The following HECW1 variants were observed in gnomAD, a reference collection of about 807,000 sequenced individuals.
HECW1 encodes E3 ubiquitin-protein ligase HECW1.
A neutral mutation model predicts 182.3 loss-of-function variants in HECW1; 61 were observed. The ratio of observed to expected loss-of-function variants is 0.33; its 90% CI spans 0.27 to 0.41. The LOEUF is 0.41. Among genes scored for constraint, HECW1 ranks in the 10% least tolerant of loss-of-function variants. HECW1 has a pLI of 1.00. For synonymous variants in HECW1, 859 were observed against 832.6 expected (o/e 1.03, Z -0.55); for missense variants, 1,739 against 2,108.9 (o/e 0.82, Z 3.44).
At chr7:43,236,750 T>C (rs995957630) in intron 2 of HECW1, among the ~76,000 whole-genome samples, 1 of 152,220 alleles carries the variant, frequency 6.6e-6, no homozygotes, top group Non-Finnish European at 1.5e-5. Context: ...TCAGTTTACA[T>C]TGCCAGGGTG....
At chr7:43,431,880 CT>C (rs200886623) in intron 8 of HECW1, among the ~76,000 whole-genome samples, 14,872 of 76,046 alleles carry the variant, frequency 0.2, 1,117 homozygotes, top group East Asian at 0.52. Flanking sequence ...CCGACACTTG[CT>C]TTTTTTTTTT....
chr7:43,369,606 C>G (rs1817076520), intron 6 of HECW1, among the ~76,000 whole-genome samples: 1 of 152,190 alleles, frequency 6.6e-6, no homozygotes, highest in Non-Finnish European at 1.5e-5. Flanking sequence ...GCATTTACTA[C>G]CTGACCTAGA....
chr7:43,270,783 C>T (rs1234743221), intron 3 of HECW1, among the ~76,000 whole-genome samples: 1 of 152,014 alleles, frequency 6.6e-6, no homozygotes, highest in Non-Finnish European at 1.5e-5. Flanking sequence ...AATAATGTGG[C>T]AATATACAAA....
chr7:43,293,183 G>A (rs538187143), intron 3 of HECW1, among the ~76,000 whole-genome samples: 1 of 143,182 alleles, frequency 7.0e-6, no homozygotes, highest in South Asian at 2.2e-4. Flanking sequence ...TTGTGCCACT[G>A]CGCTCCAGCC....
chr7:43,479,898 C>A (rs925286062), intron 17 of HECW1, among the ~76,000 whole-genome samples, 154 bp downstream of exon 17: 1 of 152,088 alleles, frequency 6.6e-6, no homozygotes, highest in Non-Finnish European at 1.5e-5. Context: ...GAATGATGAC[C>A]GGGACACCCA....
intron 8 of HECW1, among the ~76,000 whole-genome samples, chr7:43,429,332 A>G (rs2076467941): frequency 9.3e-6 from 1 of 107,132 alleles, no homozygotes; most frequent in African/African-American, 3.7e-5. Context: ...ATATATATAT[A>G]TATACATATA....
intron 16 of HECW1, among the ~76,000 whole-genome samples, chr7:43,473,701 G>A (rs944007536): frequency 2.0e-5 from 3 of 151,988 alleles, no homozygotes; most frequent in African/African-American, 7.2e-5. Context: ...GGGCTCAAGG[G>A]GAGTAAAACG....
intron 5 of HECW1, among the ~76,000 whole-genome samples, chr7:43,347,397 C>A (rs1288514055): frequency 6.6e-6 from 1 of 151,988 alleles, no homozygotes. Context: ...TTGCTGAATT[C>A]TTTTATCAGT....
chr7:43,186,060 C>T (rs1260172633), intron 2 of HECW1, among the ~76,000 whole-genome samples: 2 of 152,090 alleles, frequency 1.3e-5, no homozygotes, highest in East Asian at 1.9e-4. Context: ...CAGGTGGTTT[C>T]CAGGGCTCAC....
chr7:43,510,922 T>C (rs2079834626), intron 24 of HECW1: 2 of 152,264 alleles, frequency 1.3e-5, no homozygotes. Flanking sequence ...CTGTTAAAAG[T>C]GGCCTCCGTC....
intron 11 of HECW1, among the ~76,000 whole-genome samples, chr7:43,445,984 T>C (rs767473087): frequency 1.2e-4 from 19 of 152,234 alleles, no homozygotes; most frequent in Non-Finnish European, 2.2e-4. Context: ...TCTGCTGACT[T>C]TCAAAGCACA....
At chr7:43,303,846 C>T (rs1807181473) in intron 3 of HECW1, among the ~76,000 whole-genome samples, 2 of 152,052 alleles carry the variant, frequency 1.3e-5, no homozygotes, top group South Asian at 4.2e-4. Flanking sequence ...CCGCCCCTGT[C>T]CCACAACATC....
rs578162094 is a variant in HECW1 at position 43,252,069 on chromosome 7, A to C, written c.27+8137A>C. 2.0e-3 allele frequency among the ~76,000 whole-genome samples: 308 copies of C among 152,268 alleles called. 1 individual carries two copies. The highest frequency in any genetic ancestry group is 6.9e-3 in the African/African-American group (288 of 41,544). ...ATGTTGGTCTAGAATTCACTCCCTT[A>C]ACACACAGAATATTTCCAAATGTGC... is the stretch of plus-strand genomic sequence containing the variant. On this transcript the variant is annotated intron_variant, in intron 3 of 29. Transcript: ENST00000395891.
At chr7:43,417,456 T>C (rs776038810) in intron 8 of HECW1, among the ~76,000 whole-genome samples, 15 of 152,194 alleles carry the variant, frequency 9.9e-5, no homozygotes, top group Non-Finnish European at 1.9e-4. Context: ...TCTAATCCTC[T>C]TATTGTTTAT....
chr7:43,349,719 C>T (rs1285067696), intron 5 of HECW1, among the ~76,000 whole-genome samples: 2 of 152,130 alleles, frequency 1.3e-5, no homozygotes, highest in Non-Finnish European at 1.5e-5. Flanking sequence ...TGCCTTTTTT[C>T]ACCCCTTTAC....
chr7:43,530,116 A>ATTTT (rs35892407), intron 24 of HECW1, among the ~76,000 whole-genome samples: 1 of 121,268 alleles, frequency 8.2e-6, no homozygotes, highest in South Asian at 2.8e-4. Context: ...TGCTTGGCTA[A>ATTTT]TTTTTTTTTT....
At chr7:43,515,172 C>A (rs2080082957) in intron 24 of HECW1, among the ~76,000 whole-genome samples, 2 of 152,200 alleles carry the variant, frequency 1.3e-5, no homozygotes, top group South Asian at 2.1e-4. Context: ...CAGCAGATGT[C>A]AGTTTGGTGT....
chr7:43,523,098 G>T (rs1225390508), intron 24 of HECW1: 1 of 415,836 alleles, frequency 2.4e-6, no homozygotes. Flanking sequence ...CCTCCTCCCA[G>T]GTTCAAGCAA....
chr7:43,542,019 G>A, intron 26 of HECW1, 21 bp downstream of exon 26: 1 of 1,465,930 alleles, frequency 6.8e-7, no homozygotes, highest in Non-Finnish European at 9.0e-7. Flanking sequence ...CATGGGGTTT[G>A]GAAAAGGGAT....
Sources: gnomAD v4.1 joint callset for allele counts (sites outside exome capture counted in the v4.1 genomes callset) on GRCh38, gnomAD v4.1.1 for gene constraint, MANE v1.5 for transcripts, NCBI Gene and HGNC (gene_info 2026-07-23, HGNC 2026-07-21) for gene names.